Variants in RIPOR3 observed in about 807,000 individuals in gnomAD.
RIPOR3 encodes RIPOR family member 3, also known as family with sequence similarity 65 member C.
A neutral mutation model predicts 114.3 loss-of-function variants in RIPOR3; 95 were observed. That is an observed-to-expected ratio of 0.83 (90% CI 0.70 to 0.99). The LOEUF is 0.99. Ranked by LOEUF, RIPOR3 falls within the 50% of genes least tolerant of loss-of-function variation. The pLI, the probability that RIPOR3 is intolerant of heterozygous loss-of-function variation, is 0.00. For synonymous variants in RIPOR3, 575 were observed against 543.8 expected, an observed-to-expected ratio of 1.06 and a Z score of -0.80; for missense variants, 1,252 against 1,266.9, an observed-to-expected ratio of 0.99 and a Z score of 0.18.
In RIPOR3 at chr20:50,603,265, G is replaced by A. The variant is rs146979802; in HGVS notation, c.1087-621C>T. Among the ~76,000 whole-genome samples, 801 of 152,316 alleles carry A rather than the reference G, an allele frequency of 5.3e-3. 12 individuals carry two copies. The highest frequency in any genetic ancestry group is 0.018 in the African/African-American group (765 of 41,560). Reference sequence around the variant, plus strand: ...TTTTGTTTTGTTTTGTTTTGAAATAGTCTCGCTCTGTTGCCCAGGCTGGAG... The same window carrying A: ...TTTTGTTTTGTTTTGTTTTGAAATAATCTCGCTCTGTTGCCCAGGCTGGAG... On this transcript the variant is annotated intron_variant, in intron 12 of 21. Transcript: ENST00000327979.
Position 50,684,080 on chromosome 20 carries a change from CA to C in RIPOR3, c.3+7045del, listed in dbSNP as rs111905723. The stretch of plus-strand genomic sequence containing the variant: ...TGGGCGACAGTGTGAGGCTCCATCT[CA>C]AAAAAAAAAATAAATCCCTACCTTC... On this transcript the variant is annotated intron_variant, in intron 1 of 21. Transcript: ENST00000327979. Among the ~76,000 whole-genome samples, 63 of 143,344 alleles carry C rather than the reference CA, an allele frequency of 4.4e-4. 1 individual carries two copies. Among genetic ancestry groups the C allele is most frequent in the Non-Finnish European group, 5.8e-4 (38 of 65,382 alleles). 94.0% of individuals were successfully genotyped at this position (143,344 alleles called of 152,430 possible). A position where few individuals can be genotyped will look rare whatever the true frequency, so the allele number is the denominator to read the frequency against.
At chr20:50,664,448 C>A (rs1265308140) in intron 1 of RIPOR3, among the ~76,000 whole-genome samples, 1 of 152,184 alleles carries the variant, frequency 6.6e-6, no homozygotes, top group Admixed American at 6.5e-5. Flanking sequence ...GAGTCTATTT[C>A]TTTTCCATGT....
chr20:50,618,447 C>T (rs988562561), intron 3 of RIPOR3, among the ~76,000 whole-genome samples: 10 of 152,182 alleles, frequency 6.6e-5, no homozygotes, highest in African/African-American at 1.7e-4. Context: ...GCTCTAGCCA[C>T]GCTGGCCTCC....
intron 17 of RIPOR3, among the ~76,000 whole-genome samples, chr20:50,593,683 C>A (rs1381395878): frequency 6.6e-6 from 1 of 152,044 alleles, no homozygotes; most frequent in Non-Finnish European, 1.5e-5. Flanking sequence ...CTCCAACTCA[C>A]CCTGAGTCAG....
chr20:50,592,797 A>C (rs1169906229), intron 18 of RIPOR3, among the ~76,000 whole-genome samples: 1 of 152,222 alleles, frequency 6.6e-6, no homozygotes, highest in African/African-American at 2.4e-5. Flanking sequence ...GACTCTGGCC[A>C]GCCAAGATCA....
chr20:50,621,890 A>C (rs768175), intron 2 of RIPOR3, among the ~76,000 whole-genome samples: 117,235 of 152,116 alleles, frequency 0.77, 45,332 homozygotes, highest in Middle Eastern at 0.9. Context: ...GTCCCTCAAC[A>C]TTTAGAGATG....
chr20:50,634,889 C>T lies in RIPOR3; in HGVS notation c.4-4033G>A, dbSNP rs566089343. Among the ~76,000 whole-genome samples the T allele has an allele frequency of 1.6e-3, 246 of 152,176 alleles. 1 individual carries two copies. The highest frequency in any genetic ancestry group is 5.7e-3 in the African/African-American group (235 of 41,530). On this transcript the variant is annotated intron_variant, in intron 1 of 21. Coordinates refer to ENST00000327979, the MANE Select transcript of RIPOR3 (RefSeq NM_001290268.2). ...CTCTACTAAAAACACAAAAATTAGC[C>T]GGGCGTGGTGGCGCATGCCTGTAGT...
intron 1 of RIPOR3, among the ~76,000 whole-genome samples, chr20:50,679,163 C>CAGAG (rs1363085262): frequency 5.0e-5 from 5 of 100,632 alleles, no homozygotes; most frequent in African/African-American, 8.0e-5. Context: ...CACACACACA[C>CAGAG]ACAGAGAGAG....
At chr20:50,666,261 C>T (rs956823686) in intron 1 of RIPOR3, among the ~76,000 whole-genome samples, 4 of 71,318 alleles carry the variant, frequency 5.6e-5, no homozygotes, top group Non-Finnish European at 1.3e-4. Context: ...CCCAGAGTCA[C>T]GCTCTGTTGC....
intron 15 of RIPOR3, 102 bp downstream of exon 15, chr20:50,596,038 T>C (rs1207497137): frequency 3.9e-6 from 6 of 1,521,668 alleles, no homozygotes; most frequent in Admixed American, 3.6e-5. Context: ...GATGCAGGTC[T>C]GTCACCCCTT....
intron 1 of RIPOR3, among the ~76,000 whole-genome samples, chr20:50,635,392 G>A (rs1236089797): frequency 6.6e-6 from 1 of 151,956 alleles, no homozygotes; most frequent in South Asian, 2.1e-4. Flanking sequence ...GGCGACTCAC[G>A]CCTATAATTC....
chr20:50,594,525 G>C, intron 17 of RIPOR3, 28 bp downstream of exon 17: 1 of 1,601,008 alleles, frequency 6.2e-7, no homozygotes, highest in Non-Finnish European at 8.5e-7. Flanking sequence ...TTCTGTGGGA[G>C]GGGACGACAG....
intron 14 of RIPOR3, chr20:50,597,222 TC>T (rs1326608418): frequency 2.2e-5 from 4 of 184,986 alleles, no homozygotes. Flanking sequence ...TGCCTCGGCC[TC>T]CCAAAGTGTT....
intron 1 of RIPOR3, among the ~76,000 whole-genome samples, chr20:50,658,314 G>A (rs2085884783): frequency 6.6e-6 from 1 of 152,188 alleles, no homozygotes; most frequent in Admixed American, 6.6e-5. Context: ...GATGAACCAT[G>A]AAGACATTAT....
Position 50,593,050 on chromosome 20 carries a change from G to A in RIPOR3, c.2359C>T (p.Gln787Ter), listed in dbSNP as rs201917387. 20 of 1,613,946 alleles carry A rather than the reference G, an allele frequency of 1.2e-5. No homozygotes were observed. In the African/African-American group the frequency reaches 2.4e-4, roughly 19 times the overall value. The stretch of plus-strand genomic sequence containing the variant: ...CCAGTCTTACCTTCCTTGGTGAGCT[G>A]GGTGAAGTGCTTCTCCAGGTCAGAG... ...SVSDLEKHFT[Q>*]LTKEVTLIEE... The change falls in exon 18 of 22, where the codon CAG becomes TAG. Residue 787 changes from glutamine (Q) to a stop codon, truncating the protein, a stop_gained. Coordinates refer to ENST00000327979, the MANE Select transcript of RIPOR3 (RefSeq NM_001290268.2). LOFTEE classifies it high-confidence loss of function.
chr20:50,592,575 G>A (rs1172073896), intron 18 of RIPOR3, 29 bp from the exon 19 acceptor site: 1 of 1,456,532 alleles, frequency 6.9e-7, no homozygotes, highest in South Asian at 1.5e-5. Context: ...GTGGGCCCAG[G>A]TCCCCTGAAT....
intron 11 of RIPOR3, among the ~76,000 whole-genome samples, 175 bp downstream of exon 11, chr20:50,608,214 G>A (rs2083797313): frequency 6.6e-6 from 1 of 152,196 alleles, no homozygotes; most frequent in Non-Finnish European, 1.5e-5. Flanking sequence ...AGGGGCTACA[G>A]AGAAGTTCTA....
intron 2 of RIPOR3, among the ~76,000 whole-genome samples, chr20:50,621,934 A>AG (rs1460605801): frequency 3.3e-5 from 5 of 152,142 alleles, no homozygotes; most frequent in Non-Finnish European, 7.3e-5. Flanking sequence ...TAGGAGTACG[A>AG]GGCCAGGGCA....
chr20:50,613,109 T>A (rs2084031956), intron 4 of RIPOR3, among the ~76,000 whole-genome samples: 1 of 151,594 alleles, frequency 6.6e-6, no homozygotes, highest in African/African-American at 2.4e-5. Flanking sequence ...AATAAATAAA[T>A]AAAATCTTTT....
Sources: allele counts gnomAD v4.1 joint callset (sites outside exome capture counted in the v4.1 genomes callset), GRCh38; gene constraint gnomAD v4.1.1; transcripts MANE v1.5; gene names NCBI Gene and HGNC (gene_info 2026-07-23, HGNC 2026-07-21).